SORCS3: variants seen among roughly 807,000 people sequenced by gnomAD.
SORCS3 encodes VPS10 domain-containing receptor SorCS3.
A neutral mutation model predicts 146.3 loss-of-function variants in SORCS3; 57 were observed. The observed-to-expected ratio is 0.39, with a 90% confidence interval of 0.31 to 0.49. The LOEUF (loss-of-function observed/expected upper bound fraction) is 0.49, where lower values mean the gene tolerates loss of function less well. SORCS3 is among the 20% of genes least tolerant of loss of function. SORCS3 has a pLI of 0.92. For missense variants in SORCS3, 1,341 were observed against 1,575.5 expected, an observed-to-expected ratio of 0.85 and a Z score of 2.52; for synonymous variants, 653 against 618.5, an observed-to-expected ratio of 1.06 and a Z score of -0.83.
chr10:104,860,997 G>A (rs2018395427), intron 2 of SORCS3, among the ~76,000 whole-genome samples: 1 of 152,112 alleles, frequency 6.6e-6, no homozygotes, highest in Non-Finnish European at 1.5e-5. Context: ...GAAGAGTAGG[G>A]TGACCTTCCT....
chr10:104,785,017 G>A (rs934198308), intron 1 of SORCS3, among the ~76,000 whole-genome samples: 16 of 152,110 alleles, frequency 1.1e-4, no homozygotes, highest in African/African-American at 2.9e-4. Flanking sequence ...TTCCCAGTAG[G>A]GGCGGCCGGG....
intron 1 of SORCS3, among the ~76,000 whole-genome samples, chr10:104,712,509 C>T (rs1042282343): frequency 6.6e-5 from 10 of 152,164 alleles, no homozygotes; most frequent in African/African-American, 2.4e-4. Context: ...GCTCAGGAAG[C>T]CAATCCAGGT....
chr10:105,229,501 T>C (rs72819906), intron 20 of SORCS3, among the ~76,000 whole-genome samples: 13,356 of 152,224 alleles, frequency 0.088, 780 homozygotes, highest in Admixed American at 0.16. Flanking sequence ...TTGAATTTGC[T>C]TTTGTAGGGA....
At chr10:104,756,756 A>G (rs940204351) in intron 1 of SORCS3, among the ~76,000 whole-genome samples, 19 of 152,206 alleles carry the variant, frequency 1.2e-4, no homozygotes, top group Non-Finnish European at 2.4e-4. Context: ...CACTTTCAAG[A>G]CAGCTCCCTT....
intron 3 of SORCS3, among the ~76,000 whole-genome samples, chr10:104,929,246 G>A (rs1377246280): frequency 6.6e-6 from 1 of 152,140 alleles, no homozygotes; most frequent in East Asian, 1.9e-4. Context: ...ATAGCATAAT[G>A]TATATAGAAT....
intron 3 of SORCS3, among the ~76,000 whole-genome samples, chr10:104,969,608 A>G (rs926011407): frequency 6.6e-6 from 1 of 152,194 alleles, no homozygotes; most frequent in Non-Finnish European, 1.5e-5. Context: ...CAGTGATATC[A>G]AAGTATATCA....
At chr10:105,144,362 C>G (rs963539695) in intron 8 of SORCS3, among the ~76,000 whole-genome samples, 9 of 152,130 alleles carry the variant, frequency 5.9e-5, no homozygotes, top group African/African-American at 2.2e-4. Flanking sequence ...TTCTTGAGGG[C>G]AGGTTTTGCT....
intron 1 of SORCS3, among the ~76,000 whole-genome samples, chr10:104,796,342 T>C (rs942058909): frequency 6.6e-6 from 1 of 152,222 alleles, no homozygotes; most frequent in Admixed American, 6.5e-5. Flanking sequence ...AAATTCATCT[T>C]TTTTCAGTTT....
At chr10:104,966,817 G>A (rs1015651682) in intron 3 of SORCS3, among the ~76,000 whole-genome samples, 1 of 152,166 alleles carries the variant, frequency 6.6e-6, no homozygotes, top group African/African-American at 2.4e-5. Flanking sequence ...ACAGGCTTTT[G>A]AGAGTATAAG....
chr10:104,832,750 T>TAAATAAATAAACAAAC (rs58541807), intron 1 of SORCS3, among the ~76,000 whole-genome samples: 2 of 151,744 alleles, frequency 1.3e-5, no homozygotes, highest in Non-Finnish European at 2.9e-5. Flanking sequence ...AATAAATAAA[T>TAAATAAATAAACAAAC]GAACGAACGA....
At chr10:104,676,910 A>C (rs1180624654) in intron 1 of SORCS3, among the ~76,000 whole-genome samples, 1 of 152,172 alleles carries the variant, frequency 6.6e-6, no homozygotes, top group Non-Finnish European at 1.5e-5. Flanking sequence ...CATCCAGATC[A>C]TATGAGGTTC....
At chr10:104,791,125 A>G (rs2017491248) in intron 1 of SORCS3, among the ~76,000 whole-genome samples, 1 of 152,178 alleles carries the variant, frequency 6.6e-6, no homozygotes, top group Non-Finnish European at 1.5e-5. Context: ...ACTGAGAGCT[A>G]AAGAAAGAAC....
intron 4 of SORCS3, among the ~76,000 whole-genome samples, chr10:104,981,890 G>A (rs1160970612): frequency 6.6e-6 from 1 of 152,124 alleles, no homozygotes; most frequent in Non-Finnish European, 1.5e-5. Context: ...AGATACAGCT[G>A]GGTTTGGAGA....
chr10:104,718,125 G>A (rs1416128855), intron 1 of SORCS3, among the ~76,000 whole-genome samples: 2 of 152,088 alleles, frequency 1.3e-5, no homozygotes, highest in Admixed American at 6.6e-5. Context: ...CAGCCTGAGC[G>A]ACAGAGTGAG....
chr10:104,983,391 T>G (rs1187766526), intron 4 of SORCS3, among the ~76,000 whole-genome samples: 1 of 152,184 alleles, frequency 6.6e-6, no homozygotes, highest in Non-Finnish European at 1.5e-5. Flanking sequence ...CCTGATACAT[T>G]TATTAGAGGG....
intron 1 of SORCS3, among the ~76,000 whole-genome samples, chr10:104,738,881 G>C (rs561931303): frequency 6.4e-4 from 98 of 152,276 alleles, no homozygotes; most frequent in African/African-American, 2.2e-3. Flanking sequence ...ATACCCACAG[G>C]TGAGTCAGCT....
chr10:105,045,930 T>C (rs548162678), intron 5 of SORCS3, among the ~76,000 whole-genome samples: 2 of 152,270 alleles, frequency 1.3e-5, no homozygotes, highest in Middle Eastern at 3.4e-3. Context: ...CTGGTGCCCA[T>C]GGGCATGTGA....
intron 1 of SORCS3, among the ~76,000 whole-genome samples, chr10:104,668,679 A>G (rs998845799): frequency 3.3e-5 from 5 of 152,224 alleles, no homozygotes; most frequent in African/African-American, 9.6e-5. Context: ...AATTATGCAA[A>G]TACTTTTTGA....
At chr10:104,684,805 T>G (rs1411704786) in intron 1 of SORCS3, among the ~76,000 whole-genome samples, 10 of 46,914 alleles carry the variant, frequency 2.1e-4, no homozygotes, top group Non-Finnish European at 3.4e-4. Context: ...TTTTTTTTTT[T>G]TTTTTTTTTT....
Sources: allele counts gnomAD v4.1 joint callset (sites outside exome capture counted in the v4.1 genomes callset), GRCh38; gene constraint gnomAD v4.1.1; transcripts MANE v1.5; gene names NCBI Gene and HGNC (gene_info 2026-07-23, HGNC 2026-07-21).